CLTCL1: variants seen among roughly 807,000 people sequenced by gnomAD.
The protein encoded by CLTCL1 is clathrin heavy chain like 1, also known as clathrin heavy chain 2.
In CLTCL1, 159 loss-of-function variants were observed where a neutral mutation model predicts 190.0. The ratio of observed to expected loss-of-function variants is 0.84; its 90% confidence interval spans 0.74 to 0.95. The LOEUF is 0.95. Among genes scored for constraint, CLTCL1 ranks in the 40% least tolerant of loss-of-function variants. The pLI is 0.00. For synonymous variants in CLTCL1, 752 were observed against 769.6 expected, an observed-to-expected ratio of 0.98 and a Z score of 0.38; for missense variants, 1,878 against 2,033.4, an observed-to-expected ratio of 0.92 and a Z score of 1.47.
chr22:19,252,841 C>T (rs2086634752), intron 3 of CLTCL1, among the ~76,000 whole-genome samples: 5 of 152,016 alleles, frequency 3.3e-5, no homozygotes, highest in Admixed American at 2.6e-4. Context: ...GGAGAAACCC[C>T]ATCTCTACTA....
chr22:19,231,420 G>A (rs112790056), intron 10 of CLTCL1, among the ~76,000 whole-genome samples: 3,771 of 152,140 alleles, frequency 0.025, 136 homozygotes, highest in African/African-American at 0.085. Context: ...AGAGATGGGG[G>A]TCTCACTATG....
chr22:19,276,875 T>C (rs2087530406), intron 1 of CLTCL1, among the ~76,000 whole-genome samples: 1 of 152,108 alleles, frequency 6.6e-6, no homozygotes, highest in Non-Finnish European at 1.5e-5. Context: ...GGTTTCACCG[T>C]GTTAGCCAGG....
chr22:19,196,655 T>C lies in CLTCL1; in HGVS notation c.3875A>G (p.Asp1292Gly). The change falls in exon 25 of 33, where the codon GAT becomes GGT. Residue 1292 changes from aspartate (D) to glycine (G), a missense_variant and splice_region_variant. Asp to Gly is a moderately conservative substitution (Grantham distance 94, BLOSUM62 -1). Transcript: ENST00000427926. ...ELEELMCYYQ[D>G]RGYFEELILL... The stretch of plus-strand genomic sequence containing the variant: ...GATCAGCTCCTCAAAGTAGCCACGA[T>C]CCTAGCAGACCAACAGCCACGCGTG... 3 of 1,612,030 alleles carry C rather than the reference T, an allele frequency of 1.9e-6. No individual in the cohort carries two copies. The highest frequency in any genetic ancestry group is 2.5e-6 in the Non-Finnish European group (3 of 1,178,994).
chr22:19,238,228 T>C (rs1221275622), intron 5 of CLTCL1, among the ~76,000 whole-genome samples: 2 of 152,144 alleles, frequency 1.3e-5, no homozygotes, highest in East Asian at 1.9e-4. Context: ...TAGCTGGGAC[T>C]ACAGGTGCAC....
In CLTCL1 at chr22:19,234,604, C is replaced by A; in HGVS notation, c.1072G>T (p.Ala358Ser). Reference sequence around the variant, plus strand: ...CTCACAAACAACTTCTCTGCCCCAGCCAGGTTACTACGAACGGCCAAACGC... The same window carrying A: ...CTCACAAACAACTTCTCTGCCCCAGACAGGTTACTACGAACGGCCAAACGC... The part of the protein sequence containing the change: ...GLRLAVRSNL[A>S]GAEKLFVRKF... The change falls in exon 7 of 33, where the codon GCT becomes TCT. Residue 358 changes from alanine to serine, a missense_variant. Physicochemically the swap from Ala to Ser is moderately conservative, Grantham distance 99 (BLOSUM62 1). Coordinates refer to ENST00000427926, the MANE Select transcript of CLTCL1 (RefSeq NM_007098.4). The A allele has an allele frequency of 6.2e-7, 1 of 1,614,020 alleles. No homozygotes were observed. Among genetic ancestry groups the A allele is most frequent in the African/African-American group, 1.3e-5 (1 of 75,054 alleles).
intron 16 of CLTCL1, among the ~76,000 whole-genome samples, 166 bp from the exon 17 acceptor site, chr22:19,221,777 CT>C (rs1164813069): frequency 6.6e-6 from 1 of 152,146 alleles, no homozygotes; most frequent in Non-Finnish European, 1.5e-5. Context: ...CTGATTTCTA[CT>C]GTTAGGTTTT....
chr22:19,215,153 C>T (rs954075686), intron 19 of CLTCL1, among the ~76,000 whole-genome samples: 8 of 152,208 alleles, frequency 5.3e-5, no homozygotes, highest in African/African-American at 1.7e-4. Context: ...GACAGAATAT[C>T]GTAGCCACCT....
At chr22:19,251,544 C>T (rs1297847932) in intron 3 of CLTCL1, among the ~76,000 whole-genome samples, 2 of 152,212 alleles carry the variant, frequency 1.3e-5, no homozygotes, top group African/African-American at 2.4e-5. Context: ...GCAAGCTCCG[C>T]CTCCCGGGTT....
chr22:19,276,861 A>G (rs1347593722), intron 1 of CLTCL1, among the ~76,000 whole-genome samples: 1 of 151,698 alleles, frequency 6.6e-6, no homozygotes, highest in African/African-American at 2.4e-5. Context: ...TTTAGTAGAG[A>G]CGGGGTTTCA....
Position 19,221,541 on chromosome 22 carries a change from C to T in CLTCL1, c.2632G>A (p.Ala878Thr). The T allele has an allele frequency of 6.2e-7, 1 of 1,606,096 alleles. No individual in the cohort carries two copies. Among genetic ancestry groups the T allele is most frequent in the South Asian group, 1.1e-5 (1 of 89,270 alleles). The change falls in exon 17 of 33, where the codon GCA becomes ACA. Residue 878 changes from alanine (A) to threonine (T), a missense_variant. Ala to Thr is a moderately conservative substitution (Grantham distance 58). Transcript: ENST00000427926. ...CTGTCGATGTAGATTTTAGCCAGTGCATTGTGAGTGGCAGGCTCCTCACAG... is the reference window on the plus strand; with the variant it reads ...CTGTCGATGTAGATTTTAGCCAGTGTATTGTGAGTGGCAGGCTCCTCACAG... ...EGCEEPATHNALAKIYIDSNN... is the reference protein window; with the variant it reads ...EGCEEPATHNTLAKIYIDSNN...
At chr22:19,193,971 C>T (rs1555934000) in intron 26 of CLTCL1, among the ~76,000 whole-genome samples, 1 of 152,220 alleles carries the variant, frequency 6.6e-6, no homozygotes, top group Non-Finnish European at 1.5e-5. Context: ...GAACAGGTTG[C>T]ACTGCTGGCT....
chr22:19,207,427 T>C, intron 22 of CLTCL1: 2 of 397,210 alleles, frequency 5.0e-6, no homozygotes, highest in African/African-American at 2.1e-5. Context: ...ACATCTCTTC[T>C]AGGAGAATTA....
intron 4 of CLTCL1, among the ~76,000 whole-genome samples, chr22:19,242,484 C>T (rs1249966579): frequency 7.2e-5 from 11 of 151,962 alleles, no homozygotes; most frequent in African/African-American, 1.7e-4. Context: ...TTAGTAGAGA[C>T]GGGGTTTCAC....
chr22:19,186,118 G>A (rs1429242361), intron 29 of CLTCL1, among the ~76,000 whole-genome samples: 1 of 152,184 alleles, frequency 6.6e-6, no homozygotes, highest in Non-Finnish European at 1.5e-5. Flanking sequence ...GCCAACAGCC[G>A]CAGACCAGGA....
rs5748102 is a variant in CLTCL1, at chr22:19,289,251, G to C, written c.42+2349C>G. Among the ~76,000 whole-genome samples the C allele has an allele frequency of 9.6e-3, 1,455 of 152,294 alleles. 32 individuals carry two copies. The highest frequency in any genetic ancestry group is 0.07 in the East Asian group (364 of 5,172). On this transcript the variant is annotated intron_variant, in intron 1 of 32. Transcript: ENST00000427926. ...ACCCGCCTCGGCCTCCCAAAGTGGT[G>C]GGATTACAGGTGTGAGCCACCATGC...
chr22:19,184,533 G>A, intron 29 of CLTCL1: 1 of 456,052 alleles, frequency 2.2e-6, no homozygotes, highest in Non-Finnish European at 4.4e-6. Flanking sequence ...GACCCACACT[G>A]TTCCTACAAA....
chr22:19,191,253 T>C (rs1382009961), intron 27 of CLTCL1, 51 bp downstream of exon 27: 2 of 1,605,844 alleles, frequency 1.2e-6, no homozygotes, highest in Non-Finnish European at 1.7e-6. Flanking sequence ...CAGATGACTT[T>C]GTTAGAGCTA....
At chr22:19,275,173 A>G (rs1555982528) in intron 2 of CLTCL1, among the ~76,000 whole-genome samples, 1 of 152,208 alleles carries the variant, frequency 6.6e-6, no homozygotes, top group Non-Finnish European at 1.5e-5. Context: ...TTAAGCACCC[A>G]AGACTCCCTG....
At chr22:19,234,848 G>T in intron 6 of CLTCL1, 142 bp from the exon 7 acceptor site, 1 of 761,154 alleles carries the variant, frequency 1.3e-6, no homozygotes, top group Non-Finnish European at 2.2e-6. Context: ...CCCTCACAGT[G>T]AAAGGAGGCA....
Sources: allele counts gnomAD v4.1 joint callset (sites outside exome capture counted in the v4.1 genomes callset), GRCh38; gene constraint gnomAD v4.1.1; transcripts MANE v1.5; gene names NCBI Gene and HGNC (gene_info 2026-07-23, HGNC 2026-07-21).